Variants in NAT1 observed in about 807,000 individuals in gnomAD.
NAT1 encodes arylamine N-acetyltransferase 1.
For missense variants in NAT1, 400 were observed against 339.2 expected (o/e 1.18, Z -1.41); for synonymous variants, 144 against 122.6 (o/e 1.17, Z -1.16).
At chr8:18,181,825 G>A (rs1294572742) in intron 2 of NAT1, among the ~76,000 whole-genome samples, 1 of 152,176 alleles carries the variant, frequency 6.6e-6, no homozygotes, top group East Asian at 1.9e-4. Flanking sequence ...CTTCAGTCAG[G>A]TAGTGGTGAA....
intron 2 of NAT1, among the ~76,000 whole-genome samples, chr8:18,178,045 C>A (rs7814365): frequency 1.3e-5 from 2 of 151,760 alleles, no homozygotes; most frequent in Non-Finnish European, 2.9e-5. Flanking sequence ...ATTAATCTAA[C>A]GTAGCTAAAA....
chr8:18,201,430 C>A (rs2117293092), intron 2 of NAT1, among the ~76,000 whole-genome samples: 1 of 152,186 alleles, frequency 6.6e-6, no homozygotes, highest in South Asian at 2.1e-4. Context: ...GGACAGTGAT[C>A]ATATGGTCCC....
Position 18,223,066 on chromosome 8 carries a change from T to C in NAT1, c.*146T>C, listed in dbSNP as rs548037241. 5.5e-5 allele frequency: 25 copies of C among 451,266 alleles called. No homozygotes were observed. The highest frequency in any genetic ancestry group is 1.1e-4 in the South Asian group (1 of 8,982). The allele number at this position is 451,266 out of a possible 1,614,324, so 28.0% of individuals were successfully genotyped here. On this transcript the variant is annotated 3_prime_UTR_variant, in exon 3 of 3. Coordinates refer to ENST00000307719, the MANE Select transcript of NAT1 (RefSeq NM_000662.8). The stretch of plus-strand genomic sequence containing the variant: ...TTTCACCTATAAAAATGTCATCATA[T>C]ATAATTAAACAGCTTTTTAAAGAAA...
intron 2 of NAT1, among the ~76,000 whole-genome samples, chr8:18,183,768 A>C (rs1389681605): frequency 6.6e-6 from 1 of 152,210 alleles, no homozygotes; most frequent in African/African-American, 2.4e-5. Flanking sequence ...CTATTCTAAA[A>C]GGGAGGAATA....
intron 1 of NAT1, among the ~76,000 whole-genome samples, chr8:18,214,732 G>A (rs138177977): frequency 0.013 from 2,022 of 152,138 alleles, 22 homozygotes; most frequent in Middle Eastern, 0.078. Flanking sequence ...GTACAGGTTC[G>A]TTATATAGGT....
intron 2 of NAT1, among the ~76,000 whole-genome samples, chr8:18,219,751 G>A (rs1442406246): frequency 6.6e-6 from 1 of 152,184 alleles, no homozygotes; most frequent in East Asian, 1.9e-4. Flanking sequence ...ATGTTCACGT[G>A]TGATTTGGTT....
Position 18,194,254 on chromosome 8 carries a change from C to G in NAT1, n.93-15527C>G, listed in dbSNP as rs187121666. Among the ~76,000 whole-genome samples the G allele has an allele frequency of 2.7e-3, 408 of 152,300 alleles. 1 individual carries two copies. Among genetic ancestry groups the G allele is most frequent in the Non-Finnish European group, 3.6e-3 (245 of 68,022 alleles). ...CAGTAGTGCACGGAGCTGCACTGGG[C>G]ATTTTCTTTGAAGAGTGACTACTTT... On this transcript the variant is annotated intron_variant and non_coding_transcript_variant, in intron 2 of 4. Coordinates refer to the NAT1 transcript ENST00000517441.
chr8:18,212,675 TC>T (rs1179652605), intron 1 of NAT1: 1 of 152,126 alleles, frequency 6.6e-6, no homozygotes, highest in Non-Finnish European at 1.5e-5. Flanking sequence ...CCCTTGGGAG[TC>T]CTCCAAAGAG....
At chr8:18,214,876 T>C (rs141840668) in intron 1 of NAT1, among the ~76,000 whole-genome samples, 1,960 of 152,312 alleles carry the variant, frequency 0.013, 30 homozygotes, top group Non-Finnish European at 0.017. Flanking sequence ...GTGTGCTGTT[T>C]GCTTCTTTGT....
At chr8:18,178,364 G>C (rs1355631403) in intron 2 of NAT1, among the ~76,000 whole-genome samples, 1 of 152,146 alleles carries the variant, frequency 6.6e-6, no homozygotes, top group Non-Finnish European at 1.5e-5. Context: ...TAAAAGTTTA[G>C]TGTGGATTTT....
intron 2 of NAT1, among the ~76,000 whole-genome samples, chr8:18,183,230 T>G (rs989818741): frequency 6.6e-6 from 1 of 152,178 alleles, no homozygotes; most frequent in African/African-American, 2.4e-5. Flanking sequence ...CATTCATAAG[T>G]GCTCTGCCAT....
chr8:18,205,400 C>T (rs1180960700), upstream of NAT1, among the ~76,000 whole-genome samples: 1 of 152,116 alleles, frequency 6.6e-6, no homozygotes, highest in African/African-American at 2.4e-5. Flanking sequence ...CTTCTCTGTG[C>T]CCTGTAACAG....
chr8:18,188,028 T>C (rs148361249), intron 2 of NAT1, among the ~76,000 whole-genome samples: 1 of 152,072 alleles, frequency 6.6e-6, no homozygotes, highest in African/African-American at 2.4e-5. Context: ...TCCATTTTTA[T>C]AAAGCTATGT....
chr8:18,186,862 C>A (rs976379937), intron 2 of NAT1, among the ~76,000 whole-genome samples: 21 of 152,058 alleles, frequency 1.4e-4, no homozygotes, highest in Admixed American at 1.4e-3. Context: ...AAACAGACAA[C>A]CTACAGAATG....
intron 2 of NAT1, among the ~76,000 whole-genome samples, chr8:18,188,064 C>A (rs761122166): frequency 2.6e-5 from 4 of 151,376 alleles, no homozygotes; most frequent in Non-Finnish European, 5.9e-5. Context: ...AGTTAAAATT[C>A]ATCTTTACAT....
intron 1 of NAT1, among the ~76,000 whole-genome samples, chr8:18,217,277 G>A (rs1462043243): frequency 6.6e-6 from 1 of 151,518 alleles, no homozygotes; most frequent in Non-Finnish European, 1.5e-5. Flanking sequence ...CATTGGGAAA[G>A]CTAAAATTTC....
In NAT1 at chr8:18,220,099, AG is replaced by A. The variant is rs1426151180; in HGVS notation, c.-7+615del. Among the ~76,000 whole-genome samples, 3 of 152,090 alleles carry A rather than the reference AG, an allele frequency of 2.0e-5. No individual in the cohort carries two copies. In the East Asian group the frequency reaches 5.8e-4, roughly 29 times the overall value. On this transcript the variant is annotated intron_variant, in intron 2 of 2. Coordinates refer to ENST00000307719, the MANE Select transcript of NAT1 (RefSeq NM_000662.8). ...ACATACTCAGTACAAATTCTAGGTGAGGGGGCAGAGAGGGGTTGGCATTGTC... is the reference window on the plus strand; with the variant it reads ...ACATACTCAGTACAAATTCTAGGTGAGGGGCAGAGAGGGGTTGGCATTGTC...
rs753587469 is a variant in NAT1, at chr8:18,222,715, G to A, written c.668G>A (p.Cys223Tyr). ...PSSVFTSKSFCSLQTPDGVHC... is the reference protein window; with the variant it reads ...PSSVFTSKSFYSLQTPDGVHC... Reference sequence around the variant, plus strand: ...TCTGTGTTTACTAGTAAATCATTTTGTTCCTTGCAGACCCCAGATGGGGTT... The same window carrying A: ...TCTGTGTTTACTAGTAAATCATTTTATTCCTTGCAGACCCCAGATGGGGTT... Residue 223 changes from cysteine to tyrosine, a missense_variant, in exon 3 of 3, where the codon TGT becomes TAT. Coordinates refer to ENST00000307719, the MANE Select transcript of NAT1 (RefSeq NM_000662.8). 5.0e-6 allele frequency: 8 copies of A among 1,613,922 alleles called. No homozygotes were observed. Among genetic ancestry groups the A allele is most frequent in the South Asian group, 3.3e-5 (3 of 91,066 alleles).
At chr8:18,216,608 G>C (rs1404011023) in intron 1 of NAT1, among the ~76,000 whole-genome samples, 3 of 152,112 alleles carry the variant, frequency 2.0e-5, no homozygotes, top group Non-Finnish European at 4.4e-5. Flanking sequence ...ATCGCTTATA[G>C]GTCTGTCCTG....
Sources: allele counts gnomAD v4.1 joint callset (sites outside exome capture counted in the v4.1 genomes callset), GRCh38; gene constraint gnomAD v4.1.1; transcripts MANE v1.5; gene names NCBI Gene and HGNC (gene_info 2026-07-23, HGNC 2026-07-21).